The following ZNF638 variants were observed in gnomAD, a reference collection of about 807,000 sequenced individuals.
ZNF638 encodes zinc finger protein 638, also known as CTCL tumor antigen se33-1.
ZNF638 carries 46 observed loss-of-function variants against 195.6 expected under a neutral mutation model. The ratio of observed to expected loss-of-function variants is 0.24; its 90% CI spans 0.19 to 0.30. ZNF638 has a LOEUF of 0.30. Ranked by LOEUF, ZNF638 falls within the 10% of genes least tolerant of loss-of-function variation. The probability of loss-of-function intolerance (pLI) is 1.00; values close to 1 mark genes in which losing one functional copy is unlikely to be tolerated. For synonymous variants in ZNF638, 845 were observed against 772.0 expected, an observed-to-expected ratio of 1.09 and a Z score of -1.57; for missense variants, 2,440 against 2,325.3, an observed-to-expected ratio of 1.05 and a Z score of -1.01.
intron 12 of ZNF638, among the ~76,000 whole-genome samples, chr2:71,399,329 A>G (rs929064403): frequency 2.6e-5 from 4 of 152,178 alleles, no homozygotes; most frequent in African/African-American, 9.6e-5. Flanking sequence ...TGCCACATGA[A>G]GGTTAAACAT....
At chr2:71,428,466 A>G (rs1043632367) in intron 24 of ZNF638, 81 bp from the exon 25 acceptor site, 52 of 1,293,750 alleles carry the variant, frequency 4.0e-5, no homozygotes, top group Admixed American at 1.4e-4. Flanking sequence ...TATAATGTTG[A>G]TTCAGACAGT....
In ZNF638 at chr2:71,369,987, A is replaced by C. The variant is rs1314550393; in HGVS notation, c.2247A>C (p.Pro749=). Residue 749 remains proline (P), a synonymous_variant, in exon 8 of 28, where the codon CCA becomes CCC. Transcript: ENST00000264447. ...IKGKSVKICV[P]GKKKAQNKEV... ...GAAAAAGTGTGAAAATATGTGTTCC[A>C]GGAAAGAAAAAAGCACAGGTAATCT... The C allele has an allele frequency of 2.5e-6, 4 of 1,594,826 alleles. No individual in the cohort carries two copies. Among genetic ancestry groups the C allele is most frequent in the Non-Finnish European group, 3.4e-6 (4 of 1,174,844 alleles).
At chr2:71,360,267 T>C (rs1002465108) in intron 3 of ZNF638, among the ~76,000 whole-genome samples, 1 of 152,240 alleles carries the variant, frequency 6.6e-6, no homozygotes, top group Non-Finnish European at 1.5e-5. Context: ...TACATTTTTT[T>C]CTGAACTATT....
chr2:71,405,852 T>C (rs1272369684), intron 18 of ZNF638, among the ~76,000 whole-genome samples: 1 of 124,576 alleles, frequency 8.0e-6, no homozygotes, highest in African/African-American at 2.6e-5. Context: ...CTGGAGTGCA[T>C]ATTAAGTGGT....
At position 71,433,252 on chromosome 2, in the gene ZNF638, G is replaced by T; in HGVS notation, c.5840G>T (p.Cys1947Phe). Residue 1947 changes from cysteine (C) to phenylalanine (F), a missense_variant, in exon 27 of 28, where the codon TGC (cysteine) becomes TTC (phenylalanine). Physicochemically the swap from Cys to Phe is radical, Grantham distance 205. This residue lies in a region of ZNF638 where 1,883 missense variants were observed against 1,739.1 expected (regional missense o/e 1.08). Transcript: ENST00000264447. ...YSGEKAMTNH[C>F]KSTRHKQNTE... The stretch of plus-strand genomic sequence containing the variant: ...GGTGAAAAAGCAATGACAAATCACT[G>T]CAAGAGTACACGTCATAAGCAAAAT... The T allele has an allele frequency of 6.2e-7, 1 of 1,613,854 alleles. No individual in the cohort carries two copies. The highest frequency in any genetic ancestry group is 8.5e-7 in the Non-Finnish European group (1 of 1,179,792).
intron 10 of ZNF638, chr2:71,388,836 A>G (rs1190824744): frequency 1.4e-6 from 1 of 700,412 alleles, no homozygotes; most frequent in African/African-American, 1.8e-5. Context: ...AAAAGTATTG[A>G]AACAACTGCT....
chr2:71,419,974 C>CCCTCCTTTTTTTTTT (rs1189202093), intron 21 of ZNF638, among the ~76,000 whole-genome samples: 1 of 27,022 alleles, frequency 3.7e-5, no homozygotes, highest in African/African-American at 1.6e-4. Flanking sequence ...CCCCCCCCGC[C>CCCTCCTTTTTTTTTT]TTTTTTTTTT....
chr2:71,345,247 A>G (rs1309822476), intron 1 of ZNF638, among the ~76,000 whole-genome samples: 1 of 152,220 alleles, frequency 6.6e-6, no homozygotes, highest in Non-Finnish European at 1.5e-5. Flanking sequence ...TCAGGCATCC[A>G]TTGGGGATCT....
chr2:71,378,464 T>C (rs952010365), intron 8 of ZNF638, among the ~76,000 whole-genome samples: 2 of 152,168 alleles, frequency 1.3e-5, no homozygotes, highest in African/African-American at 4.8e-5. Flanking sequence ...AGAACAGTTA[T>C]GATGAAATTC....
chr2:71,410,882 G>T (rs534034890), intron 20 of ZNF638, among the ~76,000 whole-genome samples: 2 of 151,442 alleles, frequency 1.3e-5, no homozygotes, highest in East Asian at 3.9e-4. Flanking sequence ...TAAAGAGAGG[G>T]TTGGTATTGC....
chr2:71,404,658 A>G (rs1245150376), intron 17 of ZNF638, among the ~76,000 whole-genome samples: 1 of 152,182 alleles, frequency 6.6e-6, no homozygotes, highest in African/African-American at 2.4e-5. Context: ...TTGAGGCTGC[A>G]CTGAGCTGTG....
At chr2:71,410,541 C>G (rs1339758035) in intron 20 of ZNF638, among the ~76,000 whole-genome samples, 1 of 152,044 alleles carries the variant, frequency 6.6e-6, no homozygotes, top group Non-Finnish European at 1.5e-5. Flanking sequence ...TTCCTTTTCT[C>G]TATGCTAACA....
At chr2:71,388,622 G>T in intron 10 of ZNF638, 1 of 809,868 alleles carries the variant, frequency 1.2e-6, no homozygotes, top group South Asian at 1.3e-5. Flanking sequence ...CGCTCGGCCA[G>T]AGTCGGTGGA....
At chr2:71,393,025 C>G (rs1255073212) in intron 10 of ZNF638, among the ~76,000 whole-genome samples, 1 of 152,150 alleles carries the variant, frequency 6.6e-6, no homozygotes, top group Non-Finnish European at 1.5e-5. Context: ...TGATAATAAT[C>G]TGGCCTGTGC....
intron 20 of ZNF638, among the ~76,000 whole-genome samples, chr2:71,409,728 A>G (rs540454594): frequency 2.0e-5 from 3 of 152,236 alleles, no homozygotes; most frequent in Admixed American, 1.3e-4. Flanking sequence ...CTTAATTACT[A>G]TTTGTTGAAT....
chr2:71,433,436 T>C, intron 27 of ZNF638, 153 bp downstream of exon 27: 1 of 596,984 alleles, frequency 1.7e-6, no homozygotes, highest in Non-Finnish European at 2.9e-6. Context: ...CAGTGTACCT[T>C]GCCTGTAATT....
chr2:71,362,229 C>T (rs948923234), intron 3 of ZNF638, among the ~76,000 whole-genome samples: 4 of 152,066 alleles, frequency 2.6e-5, no homozygotes, highest in Admixed American at 2.6e-4. Context: ...CTAAAGTTGT[C>T]GATGTGCCTA....
At chr2:71,332,355 C>T (rs1196652522) in intron 1 of ZNF638, among the ~76,000 whole-genome samples, 1 of 152,226 alleles carries the variant, frequency 6.6e-6, no homozygotes, top group African/African-American at 2.4e-5. Flanking sequence ...GCCGAGCCCT[C>T]TGACCAGCGA....
intron 6 of ZNF638, 136 bp downstream of exon 6, chr2:71,365,842 C>T: frequency 1.1e-6 from 1 of 871,910 alleles, no homozygotes; most frequent in Non-Finnish European, 1.7e-6. Flanking sequence ...GCCTCATCTT[C>T]CCAAGTAGCT....
Sources: gnomAD v4.1 joint callset for allele counts (sites outside exome capture counted in the v4.1 genomes callset) on GRCh38, gnomAD v4.1.1 for gene constraint, gnomAD v4.1.1 regional missense constraint, MANE v1.5 for transcripts, NCBI Gene and HGNC (gene_info 2026-07-23, HGNC 2026-07-21) for gene names.